The following GABBR1 variants were observed in gnomAD, a reference collection of about 807,000 sequenced individuals.
The protein encoded by GABBR1 is GABA-B receptor, R1 subunit.
A neutral mutation model predicts 117.7 loss-of-function variants in GABBR1; 35 were observed. The observed-to-expected ratio is 0.30, with a 90% CI of 0.23 to 0.39. The LOEUF (loss-of-function observed/expected upper bound fraction) is 0.39. Ranked by LOEUF, GABBR1 falls within the 10% of genes least tolerant of loss-of-function variation. GABBR1 has a pLI of 1.00. For missense variants in GABBR1, 709 were observed against 1,241.8 expected (o/e 0.57, Z 6.45); for synonymous variants, 442 against 486.6 (o/e 0.91, Z 1.21).
chr6:29,614,890 G>T (rs936062434), intron 11 of GABBR1, among the ~76,000 whole-genome samples: 1 of 145,786 alleles, frequency 6.9e-6, no homozygotes, highest in African/African-American at 2.5e-5. Context: ...TCTGGCGGAG[G>T]ATGTCGATAA....
chr6:29,623,448 G>C lies in GABBR1; in HGVS notation c.820C>G (p.Leu274Val). The C allele has an allele frequency of 6.2e-7, 1 of 1,613,862 alleles. No homozygotes were observed. Among genetic ancestry groups the C allele is most frequent in the Non-Finnish European group, 8.5e-7 (1 of 1,180,012 alleles). ...GTGGGGAAACGCTGCCGGTTTGACA[G>C]GGCTGGTGAGCTGGAGCCATAGGAA... ...VLSYGSSSPA[L>V]SNRQRFPTFF... Residue 274 changes from leucine to valine, a missense_variant, in exon 8 of 23, where the codon CTG becomes GTG. By Grantham distance (32) the Leu-to-Val change is conservative. Around this residue, in one of 9 missense-constraint regions of GABBR1, gnomAD observed 192 missense variants for 418.4 expected, o/e 0.46. Transcript: ENST00000377034. The surrounding 1 kb of genome is among the most constrained non-coding windows in gnomAD (Gnocchi z 6.2).
rs1346349381 is a variant in GABBR1, at chr6:29,627,629, T to A, written c.514A>T (p.Ile172Phe). 1 of 1,558,102 alleles carries A rather than the reference T, an allele frequency of 6.4e-7. No homozygotes were observed. Among genetic ancestry groups the A allele is most frequent in the African/African-American group, 1.4e-5 (1 of 73,508 alleles). Reference protein sequence around the residue: ...TPHSERRAVYIGALFPMSGGW... With the variant: ...TPHSERRAVYFGALFPMSGGW... ...CCGCTCATGGGAAACAGTGCCCCGA[T>A]GTACACTGCGCGCCGTTCTGAGGAG... Residue 172 changes from isoleucine to phenylalanine, a missense_variant, in exon 6 of 23, where the codon ATC becomes TTC. By Grantham distance (21) the Ile-to-Phe change is conservative. Transcript: ENST00000377034. The surrounding 1 kb of genome is among the most constrained non-coding windows in gnomAD (Gnocchi z 4.4).
chr6:29,606,252 CAA>C lies in GABBR1; in HGVS notation c.2311+137_2311+138del. 1 of 683,040 alleles carries C rather than the reference CAA, an allele frequency of 1.5e-6. No individual in the cohort carries two copies. The highest frequency in any genetic ancestry group is 2.3e-5 in the Admixed American group (1 of 44,428). The allele number at this position is 683,040 out of a possible 1,614,324, so 42.3% of individuals were successfully genotyped here. ...TTCTCAGAAAAGATTAGTGCAATAA[CAA>C]AGAGTAGGGTGTTCAAACTGGGTTG... On this transcript the variant is annotated intron_variant, in intron 19 of 22. Coordinates refer to ENST00000377034, the MANE Select transcript of GABBR1 (RefSeq NM_001470.4). The surrounding 1 kb of genome is among the most constrained non-coding windows in gnomAD (Gnocchi z 4.5).
Position 29,630,534 on chromosome 6 carries a change from G to C in GABBR1, c.399C>G (p.Pro133=). 6.2e-7 allele frequency: 1 copy of C among 1,613,070 alleles called. No homozygotes were observed. Among genetic ancestry groups the C allele is most frequent in the Non-Finnish European group, 8.5e-7 (1 of 1,180,022 alleles). The change falls in exon 4 of 23, where the codon CCC becomes CCG. Residue 133 remains proline (P), a synonymous_variant. Transcript: ENST00000377034. This position sits in a 1 kb window ranked among gnomAD's most constrained non-coding sequence, Gnocchi z 4.9. ...GGGAGCTGCCCACCAGATGGAAGTC[G>C]GGGTCACACCGGAAATCCACCCGGG... ...DGARVDFRCD[P]DFHLVGSSRS...
At chr6:29,614,598 T>C (rs1272808791) in intron 11 of GABBR1, among the ~76,000 whole-genome samples, 1 of 152,234 alleles carries the variant, frequency 6.6e-6, no homozygotes, top group Non-Finnish European at 1.5e-5. Context: ...GAAGATGCAA[T>C]GGGCCTAGGT....
intron 11 of GABBR1, among the ~76,000 whole-genome samples, chr6:29,616,687 G>GAA (rs746023748): frequency 7.2e-6 from 1 of 138,870 alleles, no homozygotes. Flanking sequence ...TCTATCTCGA[G>GAA]AAAAAAAAAA....
rs1159588684 is a variant in GABBR1, at chr6:29,631,946, G to C, written c.86-347C>G. On this transcript the variant is annotated intron_variant, in intron 2 of 22. Transcript: ENST00000377034. The surrounding 1 kb of genome is among the most constrained non-coding windows in gnomAD (Gnocchi z 5.9). ...AAGGCTAAATGAGGATATTCGAGTT[G>C]AATTAGGATAGGAGGATAAAGGGAG... Among the ~76,000 whole-genome samples, 1 of 151,992 alleles carries C rather than the reference G, an allele frequency of 6.6e-6. No homozygotes were observed. The highest frequency in any genetic ancestry group is 1.5e-5 in the Non-Finnish European group (1 of 67,994).
Position 29,609,449 on chromosome 6 carries a change from G to A in GABBR1, c.1709-70C>T, listed in dbSNP as rs1762304985. On this transcript the variant is annotated intron_variant, in intron 14 of 22. Coordinates refer to ENST00000377034, the MANE Select transcript of GABBR1 (RefSeq NM_001470.4). The surrounding 1 kb of genome is among the most constrained non-coding windows in gnomAD (Gnocchi z 4.3). ...AAGGAGGACAAAGGAATGAAGACGG[G>A]ATAGGAGAAAAGGGCAAAGAACTAG... is the stretch of plus-strand genomic sequence containing the variant. 7.1e-7 allele frequency: 1 copy of A among 1,412,408 alleles called. No individual in the cohort carries two copies. Among genetic ancestry groups the A allele is most frequent in the Non-Finnish European group, 9.9e-7 (1 of 1,009,228 alleles). 87.5% of individuals were successfully genotyped at this position (1,412,408 alleles called of 1,614,324 possible).
Position 29,627,362 on chromosome 6 carries a change from C to A in GABBR1, c.657+124G>T. 2.0e-6 allele frequency: 2 copies of A among 986,280 alleles called. No individual in the cohort carries two copies. The highest frequency in any genetic ancestry group is 3.1e-5 in the South Asian group (2 of 65,176). The allele number at this position is 986,280 out of a possible 1,614,324, so 61.1% of individuals were successfully genotyped here. A position where few individuals can be genotyped will look rare whatever the true frequency, so the allele number is the denominator to read the frequency against. On this transcript the variant is annotated intron_variant, in intron 6 of 22. Coordinates refer to ENST00000377034, the MANE Select transcript of GABBR1 (RefSeq NM_001470.4). The surrounding 1 kb of genome is among the most constrained non-coding windows in gnomAD (Gnocchi z 4.4). ...CACCCCCAGCCCATCTCCTGCCAGTCACACAAGGGAGGGGTCTGCCTCGCA... is the reference window on the plus strand; with the variant it reads ...CACCCCCAGCCCATCTCCTGCCAGTAACACAAGGGAGGGGTCTGCCTCGCA...
chr6:29,605,383 A>AT lies in GABBR1; in HGVS notation c.2439+185dup, dbSNP rs1222480366. On this transcript the variant is annotated intron_variant, in intron 20 of 22. Coordinates refer to ENST00000377034, the MANE Select transcript of GABBR1 (RefSeq NM_001470.4). The surrounding 1 kb of genome is among the most constrained non-coding windows in gnomAD (Gnocchi z 4.2). Reference sequence around the variant, plus strand: ...ATCTACTTCACTGGGTAGTTGCAAGATTAATGATACAATGTCTGTAGTGAG... The same window carrying AT: ...ATCTACTTCACTGGGTAGTTGCAAGATTTAATGATACAATGTCTGTAGTGAG... 1 of 693,442 alleles carries AT rather than the reference A, an allele frequency of 1.4e-6. No individual in the cohort carries two copies. The highest frequency in any genetic ancestry group is 1.8e-5 in the African/African-American group (1 of 56,434). The allele number at this position is 693,442 out of a possible 1,614,324, so 43.0% of individuals were successfully genotyped here. A position where few individuals can be genotyped will look rare whatever the true frequency, so the allele number is the denominator to read the frequency against.
intron 11 of GABBR1, among the ~76,000 whole-genome samples, chr6:29,615,485 C>A (rs912856208): frequency 6.6e-6 from 1 of 151,010 alleles, no homozygotes; most frequent in Admixed American, 6.6e-5. Context: ...GGTGGGCTCC[C>A]GTAATCCCAG....
chr6:29,624,067 C>G, intron 6 of GABBR1, 43 bp from the exon 7 acceptor site: 2 of 1,539,172 alleles, frequency 1.3e-6, no homozygotes, highest in African/African-American at 2.7e-5. Flanking sequence ...CCTGGGGCCC[C>G]TCCCCTGTCT....
intron 11 of GABBR1, among the ~76,000 whole-genome samples, chr6:29,615,188 G>C (rs950599870): frequency 6.6e-6 from 1 of 151,794 alleles, no homozygotes; most frequent in Admixed American, 6.6e-5. Context: ...AGGAGGCTGA[G>C]GGCTGAGGTG....
At position 29,632,571 on chromosome 6, in the gene GABBR1, A is replaced by G; in HGVS notation, c.1-186T>C. The G allele has an allele frequency of 1.1e-6, 1 of 941,066 alleles. No individual in the cohort carries two copies. Among genetic ancestry groups the G allele is most frequent in the Non-Finnish European group, 1.5e-6 (1 of 671,208 alleles). 58.3% of individuals were successfully genotyped at this position (941,066 alleles called of 1,614,324 possible). ...CGGGGTGGGGGGAGAGGAGGAGAGA[A>G]AGCCTGTCCCCACCCTCCTCCTGCC... On this transcript the variant is annotated intron_variant, in intron 1 of 22. Coordinates refer to ENST00000377034, the MANE Select transcript of GABBR1 (RefSeq NM_001470.4). This position sits in a 1 kb window ranked among gnomAD's most constrained non-coding sequence, Gnocchi z 5.8.
chr6:29,607,453 T>G lies in GABBR1; in HGVS notation c.1993-235A>C, dbSNP rs1762079261. ...TACTTCCACACCACCAGGGTGATCT[T>G]GCTAAAACCTCCTGGCTTTAGTGGC... On this transcript the variant is annotated intron_variant, in intron 16 of 22. Coordinates refer to ENST00000377034, the MANE Select transcript of GABBR1 (RefSeq NM_001470.4). The surrounding 1 kb of genome is among the most constrained non-coding windows in gnomAD (Gnocchi z 5.0). Among the ~76,000 whole-genome samples, 1 of 152,104 alleles carries G rather than the reference T, an allele frequency of 6.6e-6. No individual in the cohort carries two copies. Among genetic ancestry groups the G allele is most frequent in the Non-Finnish European group, 1.5e-5 (1 of 68,004 alleles).
In GABBR1 at chr6:29,615,891, A is replaced by G. The variant is rs140888127; in HGVS notation, c.1324-2406T>C. ...AGACCAGCCTGGCCAACATGGTGAA[A>G]CCCTGTCTCTATGAAAAATACAAAA... On this transcript the variant is annotated intron_variant, in intron 11 of 22. Transcript: ENST00000377034. Among the ~76,000 whole-genome samples the G allele has an allele frequency of 5.6e-3, 850 of 151,960 alleles. 9 individuals are homozygous for G. The highest frequency in any genetic ancestry group is 0.019 in the African/African-American group (786 of 41,398).
intron 6 of GABBR1, 55 bp from the exon 7 acceptor site, chr6:29,624,079 C>T: frequency 6.6e-7 from 1 of 1,504,282 alleles, no homozygotes. Context: ...CCCCTGTCTG[C>T]AATTCCTGCT....
Position 29,621,822 on chromosome 6 carries a change from A to C in GABBR1, c.1066-5T>G. On this transcript the variant is annotated splice_region_variant and splice_polypyrimidine_tract_variant and intron_variant, in intron 9 of 22. Coordinates refer to ENST00000377034, the MANE Select transcript of GABBR1 (RefSeq NM_001470.4). This position sits in a 1 kb window ranked among gnomAD's most constrained non-coding sequence, Gnocchi z 5.0. Reference sequence around the variant, plus strand: ...GATGATTCGGGCATCCTGGCGCTACAACAGAGAAAGAAACAGCTCCTGAGG... The same window carrying C: ...GATGATTCGGGCATCCTGGCGCTACCACAGAGAAAGAAACAGCTCCTGAGG... 6.2e-7 allele frequency: 1 copy of C among 1,614,172 alleles called. No homozygotes were observed. Among genetic ancestry groups the C allele is most frequent in the Non-Finnish European group, 8.5e-7 (1 of 1,180,026 alleles).
At position 29,604,570 on chromosome 6, in the gene GABBR1, GATGACCCTGTCTTC is replaced by G; in HGVS notation, c.2622_2635del (p.Met874IlefsTer19). 1 of 1,613,248 alleles carries G rather than the reference GATGACCCTGTCTTC, an allele frequency of 6.2e-7. No homozygotes were observed. Among genetic ancestry groups the G allele is most frequent in the South Asian group, 1.1e-5 (1 of 91,082 alleles). On this transcript the variant is annotated frameshift_variant, in exon 22 of 23. Transcript: ENST00000377034. LOFTEE classifies it high-confidence loss of function. This position sits in a 1 kb window ranked among gnomAD's most constrained non-coding sequence, Gnocchi z 5.3. The stretch of plus-strand genomic sequence containing the variant: ...CTTCTCCTCCTCGTTGTTGTTGGTC[GATGACCCTGTCTTC>G]ATGGTGTCCTGCGCCTCCGACTGCC...
Sources: allele counts gnomAD v4.1 joint callset (sites outside exome capture counted in the v4.1 genomes callset), GRCh38; gene constraint gnomAD v4.1.1; regional missense constraint gnomAD v4.1.1; non-coding constraint Gnocchi (gnomAD v3.1); transcripts MANE v1.5; gene names NCBI Gene and HGNC (gene_info 2026-07-23, HGNC 2026-07-21).